Variants in WFDC8 observed in about 807,000 individuals in gnomAD.
WFDC8 encodes WAP four-disulfide core domain protein 8.
Under a neutral mutation model 27.0 loss-of-function variants are expected in WFDC8, and 24 were observed. The ratio of observed to expected loss-of-function variants is 0.89; its 90% CI spans 0.64 to 1.25. The LOEUF is 1.25. WFDC8 is among the 50% of genes most tolerant of loss of function. The probability of loss-of-function intolerance (pLI) is 0.00; values close to 1 mark genes in which losing one functional copy is unlikely to be tolerated. For synonymous variants in WFDC8, 106 were observed against 99.7 expected, an observed-to-expected ratio of 1.06 and a Z score of -0.38; for missense variants, 287 against 295.9, an observed-to-expected ratio of 0.97 and a Z score of 0.22.
chr20:45,578,818 G>A (rs1981133299), intron 1 of WFDC8, among the ~76,000 whole-genome samples: 1 of 152,036 alleles, frequency 6.6e-6, no homozygotes, highest in Non-Finnish European at 1.5e-5. Context: ...ACTTTACCTT[G>A]CTCAGGCTCT....
At chr20:45,575,453 A>ATG (rs1202728329) in intron 1 of WFDC8, among the ~76,000 whole-genome samples, 1 of 151,812 alleles carries the variant, frequency 6.6e-6, no homozygotes, top group Non-Finnish European at 1.5e-5. Flanking sequence ...TAAATTTAAC[A>ATG]AAGGATATGA....
chr20:45,558,633 A>G (rs9679767), intron 3 of WFDC8, among the ~76,000 whole-genome samples: 58,296 of 152,084 alleles, frequency 0.38, 11,649 homozygotes, highest in Non-Finnish European at 0.43. Context: ...ATTTGTGAAT[A>G]ATTGAATGTT....
intron 1 of WFDC8, among the ~76,000 whole-genome samples, chr20:45,572,423 C>A (rs1027642867): frequency 2.0e-5 from 3 of 148,442 alleles, no homozygotes; most frequent in African/African-American, 7.5e-5. Context: ...AAAAAGAATT[C>A]CCTTTTCTCC....
intron 3 of WFDC8, among the ~76,000 whole-genome samples, 161 bp downstream of exon 3, chr20:45,558,691 T>C (rs984442474): frequency 6.6e-6 from 1 of 152,232 alleles, no homozygotes; most frequent in South Asian, 2.1e-4. Flanking sequence ...ATGGTCACCA[T>C]GCCTAGACTT....
intron 1 of WFDC8, among the ~76,000 whole-genome samples, chr20:45,571,686 C>A (rs544415959): frequency 1.6e-4 from 24 of 152,298 alleles, no homozygotes; most frequent in African/African-American, 5.8e-4. Flanking sequence ...TCTACTTCTA[C>A]AAGTTCAACT....
intron 1 of WFDC8, among the ~76,000 whole-genome samples, chr20:45,569,281 T>C (rs1980786406): frequency 6.6e-6 from 1 of 152,214 alleles, no homozygotes; most frequent in South Asian, 2.1e-4. Context: ...ATTTGGCAAC[T>C]TACTAGAAGT....
rs775080774 is a variant in WFDC8, at chr20:45,553,223, G to T, written c.499C>A (p.Pro167Thr). The T allele has an allele frequency of 6.2e-7, 1 of 1,613,896 alleles. No individual in the cohort carries two copies. The highest frequency in any genetic ancestry group is 2.2e-5 in the East Asian group (1 of 44,876). The change falls in exon 5 of 6, where the codon CCT (proline) becomes ACT (threonine). Residue 167 changes from proline (P) to threonine (T), a missense_variant. Pro to Thr is a conservative substitution (Grantham distance 38). Transcript: ENST00000289953. ...CAATCGATGTCACTGTGACATGAAG[G>T]TGGACACTCCTTACGTTCAGTGAAA... is the stretch of plus-strand genomic sequence containing the variant. ...FPFTERKECP[P>T]SCHSDIDCPQ... is the part of the protein sequence containing the mutation.
At chr20:45,572,396 CAAAAAAA>C (rs768958375) in intron 1 of WFDC8, among the ~76,000 whole-genome samples, 2 of 49,424 alleles carry the variant, frequency 4.0e-5, no homozygotes, top group African/African-American at 1.4e-4. Context: ...GAATCCATCT[CAAAAAAA>C]AAAAAAAAAA....
intron 1 of WFDC8, among the ~76,000 whole-genome samples, chr20:45,574,108 C>T (rs1980963139): frequency 6.6e-6 from 1 of 152,000 alleles, no homozygotes; most frequent in Admixed American, 6.5e-5. Context: ...GTGGAATAAC[C>T]TGGAAGAAAT....
chr20:45,558,943 AAGTTC>A lies in WFDC8; in HGVS notation c.181_185del (p.Glu61SerfsTer5). ...CAAAATCTGTGTTACATGAGTCCGG[AAGTTC>A]AGTGGTACAGGTGAGCCTCTCTTTG... On this transcript the variant is annotated frameshift_variant, in exon 3 of 6. Coordinates refer to ENST00000289953, the MANE Select transcript of WFDC8 (RefSeq NM_130896.3). LOFTEE classifies it high-confidence loss of function. The A allele has an allele frequency of 1.9e-6, 3 of 1,614,196 alleles. No individual in the cohort carries two copies. Among genetic ancestry groups the A allele is most frequent in the Non-Finnish European group, 1.7e-6 (2 of 1,180,018 alleles).
chr20:45,576,586 C>CG lies in WFDC8; in HGVS notation c.26+2635dup, dbSNP rs1008095564. On this transcript the variant is annotated intron_variant, in intron 1 of 5. Coordinates refer to ENST00000289953, the MANE Select transcript of WFDC8 (RefSeq NM_130896.3). ...GTAATTTTTGTAATTTTAGTAGAGA[C>CG]GGGGTCTTTCCATGTTGCCTAGGCT... Among the ~76,000 whole-genome samples the CG allele has an allele frequency of 8.6e-5, 13 of 151,016 alleles. 1 individual carries two copies. The highest frequency in any genetic ancestry group is 3.2e-4 in the African/African-American group (13 of 41,260).
intron 3 of WFDC8, among the ~76,000 whole-genome samples, chr20:45,556,644 A>G (rs1980267279): frequency 6.6e-6 from 1 of 152,204 alleles, no homozygotes; most frequent in Non-Finnish European, 1.5e-5. Context: ...GAAGAGCTCA[A>G]CGTCAACCAT....
At chr20:45,558,217 A>C (rs12480997) in intron 3 of WFDC8, among the ~76,000 whole-genome samples, 2,127 of 152,300 alleles carry the variant, frequency 0.014, 92 homozygotes, top group Admixed American at 0.098. Context: ...CCTCCCCCGA[A>C]TTACCCAATC....
intron 1 of WFDC8, among the ~76,000 whole-genome samples, chr20:45,578,473 T>C (rs150476067): frequency 6.6e-6 from 1 of 151,428 alleles, no homozygotes; most frequent in Non-Finnish European, 1.5e-5. Context: ...AGAAGCAGCC[T>C]CTATGTGGAT....
chr20:45,561,263 C>T (rs1057343193), intron 2 of WFDC8, among the ~76,000 whole-genome samples: 2 of 152,134 alleles, frequency 1.3e-5, no homozygotes, highest in East Asian at 1.9e-4. Context: ...TAATCCCACT[C>T]GTTCCCACGA....
In WFDC8 at chr20:45,558,842, A is replaced by G; in HGVS notation, c.277+10T>C. ...TGGGGAACCTCTGTCCTCAGCCTGG[A>G]CATCGCTACCTTGAAAGGGATCCAT... On this transcript the variant is annotated intron_variant, in intron 3 of 5. Coordinates refer to ENST00000289953, the MANE Select transcript of WFDC8 (RefSeq NM_130896.3). 6.2e-7 allele frequency: 1 copy of G among 1,614,100 alleles called. No homozygotes were observed. Among genetic ancestry groups the G allele is most frequent in the Admixed American group, 1.7e-5 (1 of 60,018 alleles).
rs1259293881 is a variant in WFDC8 at position 45,562,222 on chromosome 20, G to A, written c.27-3C>T. The A allele has an allele frequency of 6.2e-7, 1 of 1,612,428 alleles. No individual in the cohort carries two copies. Among genetic ancestry groups the A allele is most frequent in the Admixed American group, 1.7e-5 (1 of 60,006 alleles). ...TGGGGCTATGGAGAGGAAAGTGCCT[G>A]TATGGATGAGAAGAGAGGTGGGAGT... On this transcript the variant is annotated splice_region_variant and splice_polypyrimidine_tract_variant and intron_variant, in intron 1 of 5. Coordinates refer to ENST00000289953, the MANE Select transcript of WFDC8 (RefSeq NM_130896.3).
In WFDC8 at chr20:45,553,187, C is replaced by T; in HGVS notation, c.535G>A (p.Asp179Asn). The T allele has an allele frequency of 1.9e-6, 3 of 1,613,556 alleles. 1 individual carries two copies. Among genetic ancestry groups the T allele is most frequent in the East Asian group, 4.5e-5 (2 of 44,880 alleles). Residue 179 changes from aspartate to asparagine, a missense_variant, in exon 5 of 6, where the codon GAC becomes AAC. Physicochemically the swap from Asp to Asn is conservative, Grantham distance 23. Transcript: ENST00000289953. Reference sequence around the variant, plus strand: ...CCACACCTGGATTCACAACATTTGTCTGTCTGGGGACAATCGATGTCACTG... The same window carrying T: ...CCACACCTGGATTCACAACATTTGTTTGTCTGGGGACAATCGATGTCACTG... ...CHSDIDCPQT[D>N]KCCESRCGFV...
At chr20:45,555,626 C>A in intron 4 of WFDC8, 75 bp downstream of exon 4, 1 of 1,543,806 alleles carries the variant, frequency 6.5e-7, no homozygotes, top group Non-Finnish European at 8.9e-7. Flanking sequence ...AACCTCAAAT[C>A]CTGAGCCTAT....
Sources: allele counts gnomAD v4.1 joint callset (sites outside exome capture counted in the v4.1 genomes callset), GRCh38; gene constraint gnomAD v4.1.1; transcripts MANE v1.5; gene names NCBI Gene and HGNC (gene_info 2026-07-23, HGNC 2026-07-21).